DRC8: variants seen among roughly 807,000 people sequenced by gnomAD.
DRC8 encodes the protein dynein regulatory complex protein 8.
At chr1:245,118,544 C>G in the DRC8 span, among the ~76,000 whole-genome samples, 1 of 152,164 alleles carries the variant, frequency 6.6e-6, no homozygotes, top group Non-Finnish European at 1.5e-5. Context: ...GTAATCCCAG[C>G]ACTTTGGGAG....
At chr1:245,012,624 G>A in the DRC8 span, among the ~76,000 whole-genome samples, 1 of 151,768 alleles carries the variant, frequency 6.6e-6, no homozygotes, top group South Asian at 2.1e-4. Context: ...AAATACTCAG[G>A]CATCATCTTC....
the DRC8 span, among the ~76,000 whole-genome samples, chr1:245,084,118 G>A: frequency 0.36 from 46,356 of 128,316 alleles, 8,460 homozygotes; most frequent in Middle Eastern, 0.5. Context: ...GTCTTGCTCT[G>A]TCACCCAGGC....
chr1:245,018,796 G>A, the DRC8 span, among the ~76,000 whole-genome samples: 1 of 152,168 alleles, frequency 6.6e-6, no homozygotes, highest in Non-Finnish European at 1.5e-5. Context: ...GAGGCTTCAC[G>A]TGGATTACCT....
chr1:245,017,336 TA>T, the DRC8 span: 29 of 1,570,914 alleles, frequency 1.8e-5, no homozygotes, highest in Admixed American at 8.2e-5. Context: ...GGTGTGGAAA[TA>T]TTTTTTTTTT....
At chr1:245,118,671 A>G in the DRC8 span, among the ~76,000 whole-genome samples, 29 of 151,904 alleles carry the variant, frequency 1.9e-4, no homozygotes, top group African/African-American at 7.0e-4. Context: ...CATGCCTGTA[A>G]TCCCAGCTAC....
chr1:245,050,030 G>T, the DRC8 span, among the ~76,000 whole-genome samples: 1 of 152,184 alleles, frequency 6.6e-6, no homozygotes, highest in Non-Finnish European at 1.5e-5. Flanking sequence ...TGTAGAACTG[G>T]ATTCTGCGAA....
the DRC8 span, among the ~76,000 whole-genome samples, chr1:245,053,427 G>A: frequency 3.3e-5 from 5 of 152,196 alleles, no homozygotes; most frequent in African/African-American, 4.8e-5. Context: ...CAGCCACAGG[G>A]AGCCTTAGCA....
At chr1:245,083,373 C>A in the DRC8 span, 1 of 1,428,096 alleles carries the variant, frequency 7.0e-7, no homozygotes. Flanking sequence ...GGGTTGGAGA[C>A]TGCTGATTTA....
the DRC8 span, among the ~76,000 whole-genome samples, chr1:245,084,074 G>T: frequency 1.4e-4 from 4 of 27,806 alleles, no homozygotes; most frequent in African/African-American, 2.4e-4. Flanking sequence ...CCCCCCCCCG[G>T]CGCCCCGGCT....
chr1:245,014,206 A>G, the DRC8 span, among the ~76,000 whole-genome samples: 1 of 152,174 alleles, frequency 6.6e-6, no homozygotes. Flanking sequence ...TAGAAAAACA[A>G]GTTCAAACAA....
the DRC8 span, among the ~76,000 whole-genome samples, chr1:245,019,700 TG>T: frequency 6.6e-6 from 1 of 151,656 alleles, no homozygotes; most frequent in Non-Finnish European, 1.5e-5. Flanking sequence ...AATTAAGCTT[TG>T]GGAGGCCAAG....
chr1:244,970,436 C>G, the DRC8 span: 1 of 1,534,602 alleles, frequency 6.5e-7, no homozygotes, highest in Non-Finnish European at 8.7e-7. Flanking sequence ...ACGAGAAGGA[C>G]AGGGAAGGTA....
the DRC8 span, among the ~76,000 whole-genome samples, chr1:244,982,938 T>C: frequency 6.8e-4 from 103 of 151,888 alleles, no homozygotes; most frequent in African/African-American, 2.3e-3. Context: ...GGTGTGGTGG[T>C]GGGTGCCTGT....
chr1:245,087,676 A>C, the DRC8 span: 4 of 1,037,320 alleles, frequency 3.9e-6, no homozygotes, highest in Non-Finnish European at 4.6e-6. Flanking sequence ...AATGAAAATG[A>C]CTTAATTACC....
the DRC8 span, among the ~76,000 whole-genome samples, chr1:245,004,973 G>A: frequency 2.0e-5 from 3 of 152,142 alleles, no homozygotes; most frequent in Non-Finnish European, 4.4e-5. Context: ...AGTTTTCCGA[G>A]TGTTTTTATA....
the DRC8 span, among the ~76,000 whole-genome samples, chr1:245,112,659 G>A: frequency 3.3e-5 from 5 of 152,014 alleles, no homozygotes; most frequent in South Asian, 2.1e-4. Flanking sequence ...TCACATTGTC[G>A]TGCAGCCATC....
chr1:245,082,328 C>G, the DRC8 span, among the ~76,000 whole-genome samples: 4 of 152,226 alleles, frequency 2.6e-5, no homozygotes, highest in Admixed American at 6.5e-5. Flanking sequence ...CAGTTGGTAC[C>G]TGCTTAGAAA....
the DRC8 span, among the ~76,000 whole-genome samples, chr1:245,018,453 G>C: frequency 1.3e-5 from 2 of 152,138 alleles, no homozygotes; most frequent in Non-Finnish European, 2.9e-5. Flanking sequence ...TGGTCACATT[G>C]CATTCTGTGG....
the DRC8 span, among the ~76,000 whole-genome samples, chr1:245,077,816 G>T: frequency 6.6e-6 from 1 of 152,144 alleles, no homozygotes; most frequent in South Asian, 2.1e-4. Flanking sequence ...TCTGGGCAAT[G>T]ATTTTTTGGA....
Sources: allele counts gnomAD v4.1 joint callset (sites outside exome capture counted in the v4.1 genomes callset), GRCh38; gene constraint gnomAD v4.1.1; transcripts MANE v1.5; gene names NCBI Gene and HGNC (gene_info 2026-07-23, HGNC 2026-07-21).